The following LRRC7 variants were observed in gnomAD, a reference collection of about 807,000 sequenced individuals.
The protein encoded by LRRC7 is leucine-rich repeat-containing protein 7.
LRRC7 carries 23 observed loss-of-function variants against 175.7 expected under a neutral mutation model. The observed-to-expected ratio is 0.13, with a 90% CI of 0.09 to 0.19. The LOEUF is 0.19. LRRC7 is among the 10% of genes least tolerant of loss of function. The pLI is 1.00. For synonymous variants in LRRC7, 685 were observed against 680.9 expected (o/e 1.01, Z -0.09); for missense variants, 1,354 against 1,904.7 (o/e 0.71, Z 5.38).
At chr1:69,887,690 C>G (rs12753653) in intron 7 of LRRC7, among the ~76,000 whole-genome samples, 3 of 149,334 alleles carry the variant, frequency 2.0e-5, no homozygotes, top group Non-Finnish European at 4.5e-5. Context: ...GGAGGAGAGG[C>G]ACTCTGTGTT....
At chr1:69,721,474 C>A (rs1666343949) in intron 2 of LRRC7, among the ~76,000 whole-genome samples, 1 of 151,750 alleles carries the variant, frequency 6.6e-6, no homozygotes, top group Non-Finnish European at 1.5e-5. Flanking sequence ...GTAGTTTTTT[C>A]AGATTGGCCT....
At chr1:69,624,682 C>A (rs1040159763) in intron 1 of LRRC7, among the ~76,000 whole-genome samples, 1 of 152,054 alleles carries the variant, frequency 6.6e-6, no homozygotes, top group African/African-American at 2.4e-5. Flanking sequence ...TTGTATATGT[C>A]ATGATGTGGA....
chr1:69,772,761 G>A (rs1044476706), intron 3 of LRRC7, among the ~76,000 whole-genome samples: 1 of 152,130 alleles, frequency 6.6e-6, no homozygotes, highest in Non-Finnish European at 1.5e-5. Flanking sequence ...AGGAGATTAG[G>A]ATCAGAAAGG....
chr1:69,881,652 G>A (rs950796669), intron 7 of LRRC7, among the ~76,000 whole-genome samples: 4 of 151,984 alleles, frequency 2.6e-5, no homozygotes, highest in African/African-American at 7.2e-5. Flanking sequence ...GCCAAGGCAG[G>A]AGGATCACTG....
chr1:70,078,697 G>C (rs1662962420), intron 24 of LRRC7, among the ~76,000 whole-genome samples: 1 of 151,978 alleles, frequency 6.6e-6, no homozygotes, highest in Non-Finnish European at 1.5e-5. Flanking sequence ...CTCTTCCTGA[G>C]CGTCTGTTTC....
intron 1 of LRRC7, among the ~76,000 whole-genome samples, chr1:69,579,636 A>G (rs1464841335): frequency 2.0e-5 from 3 of 152,104 alleles, no homozygotes; most frequent in Non-Finnish European, 4.4e-5. Flanking sequence ...GAATCGTTCC[A>G]CTTATTCTTC....
At chr1:70,100,927 C>T (rs751168060) in intron 25 of LRRC7, among the ~76,000 whole-genome samples, 1 of 152,070 alleles carries the variant, frequency 6.6e-6, no homozygotes, top group Non-Finnish European at 1.5e-5. Flanking sequence ...AGCAATTAAC[C>T]TTAAAATACT....
At chr1:69,980,252 T>A in intron 8 of LRRC7, 127 bp from the exon 9 acceptor site, 1 of 799,888 alleles carries the variant, frequency 1.3e-6, no homozygotes, top group Non-Finnish European at 2.1e-6. Context: ...GTGGAATTTC[T>A]TAGATGCTTA....
At chr1:69,612,558 A>G (rs1468879291) in intron 1 of LRRC7, among the ~76,000 whole-genome samples, 4 of 151,836 alleles carry the variant, frequency 2.6e-5, no homozygotes, top group Admixed American at 2.6e-4. Context: ...TTATTCTAAA[A>G]CTCTTGTTAC....
At chr1:69,896,066 G>A (rs187271387) in intron 7 of LRRC7, among the ~76,000 whole-genome samples, 231 of 152,206 alleles carry the variant, frequency 1.5e-3, no homozygotes, top group Middle Eastern at 0.01. Context: ...TACAATAGTG[G>A]TTATCTTTTG....
chr1:70,032,511 G>A (rs1172042533), intron 18 of LRRC7, among the ~76,000 whole-genome samples: 1 of 151,934 alleles, frequency 6.6e-6, no homozygotes, highest in Non-Finnish European at 1.5e-5. Flanking sequence ...TTTTTCAAGA[G>A]AATTATGTGC....
chr1:69,932,370 G>A (rs1281526922), intron 8 of LRRC7, among the ~76,000 whole-genome samples: 1 of 151,940 alleles, frequency 6.6e-6, no homozygotes, highest in Non-Finnish European at 1.5e-5. Context: ...ACCTCTTTTC[G>A]CCTTATTTTC....
intron 2 of LRRC7, among the ~76,000 whole-genome samples, chr1:69,710,522 GTC>G (rs1392787742): frequency 9.9e-5 from 15 of 152,240 alleles, no homozygotes; most frequent in African/African-American, 3.4e-4. Context: ...GATATCTACA[GTC>G]TCTGTTGTTT....
At position 69,900,905 on chromosome 1, in the gene LRRC7, C is replaced by A. The variant is rs1646116319; in HGVS notation, c.648-30602C>A. On this transcript the variant is annotated intron_variant, in intron 7 of 26. Transcript: ENST00000651989. ...CCAGAGAATGACTCCCATGAGAGAA[C>A]CGAATTCATTTAGCCACTATAAATA... Among the ~76,000 whole-genome samples, 5 of 152,260 alleles carry A rather than the reference C, an allele frequency of 3.3e-5. No homozygotes were observed. The South Asian group carries it at 1.0e-3, about 32-fold the overall frequency.
chr1:69,957,960 A>G (rs1462438208), intron 8 of LRRC7, among the ~76,000 whole-genome samples: 2 of 152,028 alleles, frequency 1.3e-5, no homozygotes, highest in Non-Finnish European at 2.9e-5. Context: ...ATAATAATAG[A>G]ATGTGATGCA....
At position 70,001,933 on chromosome 1, in the gene LRRC7, AC is replaced by A. The variant is rs202076564; in HGVS notation, c.1004+7301del. Reference sequence around the variant, plus strand: ...ATGTATTATGTCCTTATCAACAGATACAGAAACAGAGGCAGAGAGAAGTCAC... The same window carrying A: ...ATGTATTATGTCCTTATCAACAGATAAGAAACAGAGGCAGAGAGAAGTCAC... On this transcript the variant is annotated intron_variant, in intron 11 of 26. Transcript: ENST00000651989. 5.7e-3 allele frequency among the ~76,000 whole-genome samples: 874 copies of A among 152,332 alleles called. 5 individuals are homozygous for A. The highest frequency in any genetic ancestry group is 0.024 in the Middle Eastern group (7 of 294).
chr1:69,727,746 T>C (rs941610342), intron 2 of LRRC7, among the ~76,000 whole-genome samples: 7 of 152,242 alleles, frequency 4.6e-5, no homozygotes, highest in African/African-American at 1.7e-4. Context: ...TGGTTTTACA[T>C]ATTTTCTGTG....
At chr1:69,852,866 T>A (rs777358194) in intron 7 of LRRC7, among the ~76,000 whole-genome samples, 2 of 152,170 alleles carry the variant, frequency 1.3e-5, no homozygotes, top group Non-Finnish European at 2.9e-5. Flanking sequence ...GATGAAGAAG[T>A]TACAGTGTAT....
intron 2 of LRRC7, among the ~76,000 whole-genome samples, chr1:69,717,874 GA>G (rs1665719121): frequency 8.6e-6 from 1 of 116,182 alleles, no homozygotes; most frequent in Non-Finnish European, 1.8e-5. Flanking sequence ...AAGAAAGAAA[GA>G]AAGAGAGAAA....
Sources: allele counts gnomAD v4.1 joint callset (sites outside exome capture counted in the v4.1 genomes callset), GRCh38; gene constraint gnomAD v4.1.1; transcripts MANE v1.5; gene names NCBI Gene and HGNC (gene_info 2026-07-23, HGNC 2026-07-21).